The following COL27A1 variants were observed in gnomAD, a reference collection of about 807,000 sequenced individuals.
COL27A1 encodes the protein collagen type XXVII alpha 1 chain.
In COL27A1, 106 loss-of-function variants were observed where a neutral mutation model predicts 251.3. That is an observed-to-expected ratio of 0.42 (90% CI 0.36 to 0.50). The LOEUF (loss-of-function observed/expected upper bound fraction) is 0.50. Ranked by LOEUF, COL27A1 falls within the 20% of genes least tolerant of loss-of-function variation. COL27A1 has a pLI of 0.00. For synonymous variants in COL27A1, 1,000 were observed against 986.3 expected (o/e 1.01, Z -0.26); for missense variants, 2,325 against 2,522.8 (o/e 0.92, Z 1.68).
intron 14 of COL27A1, among the ~76,000 whole-genome samples, chr9:114,223,268 A>G (rs972868175): frequency 6.6e-6 from 1 of 152,190 alleles, no homozygotes; most frequent in Non-Finnish European, 1.5e-5. Context: ...GGAGGGACAC[A>G]AGTAAACTAT....
At chr9:114,256,425 G>T (rs1359112747) in intron 27 of COL27A1, among the ~76,000 whole-genome samples, 1 of 152,134 alleles carries the variant, frequency 6.6e-6, no homozygotes, top group Non-Finnish European at 1.5e-5. Flanking sequence ...CCTGGGAGGC[G>T]GAGCTTGCAG....
intron 8 of COL27A1, 131 bp downstream of exon 8, chr9:114,205,277 C>A: frequency 1.3e-6 from 1 of 781,224 alleles, no homozygotes; most frequent in South Asian, 1.8e-5. Context: ...TCTCACCCTG[C>A]TGGAGCCCCC....
chr9:114,223,558 T>G (rs1831258637), intron 14 of COL27A1, among the ~76,000 whole-genome samples: 1 of 152,160 alleles, frequency 6.6e-6, no homozygotes, highest in South Asian at 2.1e-4. Flanking sequence ...TTGGCCTCAC[T>G]TCCCTGAGCC....
chr9:114,258,771 C>G (rs910808707), intron 28 of COL27A1, among the ~76,000 whole-genome samples, 177 bp downstream of exon 28: 1 of 152,168 alleles, frequency 6.6e-6, no homozygotes, highest in Admixed American at 6.5e-5. Flanking sequence ...GGGTGGGACC[C>G]CACCCCTCTT....
intron 49 of COL27A1, among the ~76,000 whole-genome samples, chr9:114,296,306 C>G (rs1388679186): frequency 6.6e-6 from 1 of 152,162 alleles, no homozygotes; most frequent in African/African-American, 2.4e-5. Flanking sequence ...AATCATGTAT[C>G]TGATTAAGGA....
intron 32 of COL27A1, 146 bp downstream of exon 32, chr9:114,265,621 G>A (rs1282911300): frequency 4.1e-6 from 3 of 734,722 alleles, no homozygotes; most frequent in South Asian, 1.9e-5. Flanking sequence ...TTGGTGGCGA[G>A]CACTAAGCCA....
rs1340928906 is a variant in COL27A1 at position 114,310,928 on chromosome 9, A to T, written c.*233A>T. ...CCAAAGACCAACCAAAGAGCCAGCC[A>T]GAGTAAGCTGGACCTGCAACCTGCC... On this transcript the variant is annotated 3_prime_UTR_variant, in exon 61 of 61. Coordinates refer to ENST00000356083, the MANE Select transcript of COL27A1 (RefSeq NM_032888.4). 2 of 458,092 alleles carry T rather than the reference A, an allele frequency of 4.4e-6. No individual in the cohort carries two copies. Among genetic ancestry groups the T allele is most frequent in the Non-Finnish European group, 7.8e-6 (2 of 256,628 alleles). The allele number at this position is 458,092 out of a possible 1,614,324, so 28.4% of individuals were successfully genotyped here. A position where few individuals can be genotyped will look rare whatever the true frequency, so the allele number is the denominator to read the frequency against.
chr9:114,160,194 G>C (rs539046884), intron 1 of COL27A1, among the ~76,000 whole-genome samples: 1 of 148,360 alleles, frequency 6.7e-6, no homozygotes, highest in Non-Finnish European at 1.5e-5. Context: ...TCGCTCTGTC[G>C]CCCAGGCTGG....
At chr9:114,228,061 G>A (rs1831629195) in intron 14 of COL27A1, among the ~76,000 whole-genome samples, 2 of 152,146 alleles carry the variant, frequency 1.3e-5, no homozygotes, top group Admixed American at 1.3e-4. Flanking sequence ...TTCTCCCCTG[G>A]GGTTGCCCAT....
rs762785718 is a variant in COL27A1, at chr9:114,167,805, G to T, written c.250G>T (p.Ala84Ser). The change falls in exon 3 of 61, where the codon GCT becomes TCT. Residue 84 changes from alanine to serine, a missense_variant. By Grantham distance (99) the Ala-to-Ser change is moderately conservative. Transcript: ENST00000356083. ...CTTTACGCAGCGGGCCCGGCTCCAGGCTCCCACGGGCACCGTCATTCCTGC... is the reference window on the plus strand; with the variant it reads ...CTTTACGCAGCGGGCCCGGCTCCAGTCTCCCACGGGCACCGTCATTCCTGC... ...FIFTQRARLQ[A>S]PTGTVIPAAL... 6.2e-7 allele frequency: 1 copy of T among 1,613,394 alleles called. No homozygotes were observed. Among genetic ancestry groups the T allele is most frequent in the South Asian group, 1.1e-5 (1 of 91,082 alleles).
chr9:114,164,350 C>T (rs776023346), intron 2 of COL27A1, among the ~76,000 whole-genome samples: 32 of 152,362 alleles, frequency 2.1e-4, no homozygotes, highest in Non-Finnish European at 4.0e-4. Context: ...CCCTGCAGGG[C>T]TCACAGTGGT....
At chr9:114,270,693 A>G in intron 35 of COL27A1, 35 bp from the exon 36 acceptor site, 2 of 1,563,360 alleles carry the variant, frequency 1.3e-6, no homozygotes, top group East Asian at 2.3e-5. Context: ...CCTCCCCAGT[A>G]ACATCTCCTC....
intron 3 of COL27A1, among the ~76,000 whole-genome samples, chr9:114,169,702 C>T (rs1179790009): frequency 6.6e-6 from 1 of 152,210 alleles, no homozygotes; most frequent in Non-Finnish European, 1.5e-5. Flanking sequence ...GTGGCTACCC[C>T]CAGGTGAAGA....
intron 24 of COL27A1, among the ~76,000 whole-genome samples, chr9:114,250,356 G>T (rs981617977): frequency 6.6e-6 from 1 of 152,226 alleles, no homozygotes; most frequent in African/African-American, 2.4e-5. Flanking sequence ...CTTCTGGCGC[G>T]GGAAGAATGT....
At chr9:114,252,751 C>A in intron 26 of COL27A1, 105 bp downstream of exon 26, 1 of 1,410,874 alleles carries the variant, frequency 7.1e-7, no homozygotes, top group Non-Finnish European at 1.0e-6. Context: ...GAATGACCAG[C>A]TCCCTCTTTG....
At chr9:114,217,891 A>G (rs182882375) in intron 12 of COL27A1, 2 of 461,578 alleles carry the variant, frequency 4.3e-6, no homozygotes, top group East Asian at 1.4e-4. Flanking sequence ...AGGCAGGCAG[A>G]TCGCTTGAGC....
At chr9:114,166,531 C>G (rs1208886665) in intron 2 of COL27A1, among the ~76,000 whole-genome samples, 1 of 152,176 alleles carries the variant, frequency 6.6e-6, no homozygotes, top group Non-Finnish European at 1.5e-5. Context: ...CATTCAGCCC[C>G]CAGCACAACC....
chr9:114,191,592 G>T (rs892069849), intron 5 of COL27A1, among the ~76,000 whole-genome samples: 20 of 152,172 alleles, frequency 1.3e-4, no homozygotes, highest in Admixed American at 1.2e-3. Context: ...CAAAGGACGT[G>T]ATCTCATTCC....
intron 32 of COL27A1, among the ~76,000 whole-genome samples, chr9:114,265,790 T>A: frequency 6.6e-6 from 1 of 150,770 alleles, no homozygotes; most frequent in Non-Finnish European, 1.5e-5. Context: ...GGGAGGGAGG[T>A]GAAGATAAGA....
Sources: allele counts gnomAD v4.1 joint callset (sites outside exome capture counted in the v4.1 genomes callset), GRCh38; gene constraint gnomAD v4.1.1; transcripts MANE v1.5; gene names NCBI Gene and HGNC (gene_info 2026-07-23, HGNC 2026-07-21).